NHSL1: variants seen among roughly 807,000 people sequenced by gnomAD.
NHSL1 encodes NHS like 1.
A neutral mutation model predicts 95.0 loss-of-function variants in NHSL1; 48 were observed. The ratio of observed to expected loss-of-function variants is 0.51; its 90% CI spans 0.40 to 0.64. NHSL1 has a LOEUF of 0.64. Ranked by LOEUF, NHSL1 falls within the 30% of genes least tolerant of loss-of-function variation. NHSL1 has a pLI of 0.00. For synonymous variants in NHSL1, 783 were observed against 833.9 expected, an observed-to-expected ratio of 0.94 and a Z score of 1.05; for missense variants, 1,971 against 2,077.7, an observed-to-expected ratio of 0.95 and a Z score of 1.00.
Position 138,564,650 on chromosome 6 carries a change from A to AT in NHSL1, c.202+7059dup, listed in dbSNP as rs889596847. 7.7e-4 allele frequency among the ~76,000 whole-genome samples: 101 copies of AT among 131,514 alleles called. No homozygotes were observed. In the South Asian group the frequency reaches 8.2e-3, roughly 11 times the overall value. The allele number at this position is 131,514 out of a possible 152,430, so 86.3% of individuals were successfully genotyped here. ...ATTTATTGAGCACTTAGCCTTGGGG[A>AT]TAAAAAAAAAAAAAATAAGATTGAG... On this transcript the variant is annotated intron_variant, in intron 1 of 6. Coordinates refer to the NHSL1 transcript ENST00000427025.
At chr6:138,550,543 A>T (rs1171849340), upstream of NHSL1, among the ~76,000 whole-genome samples, 1 of 152,214 alleles carries the variant, frequency 6.6e-6, no homozygotes, top group African/African-American at 2.4e-5. Flanking sequence ...TCTCCCTTGT[A>T]GGATTACAAC....
At chr6:138,613,250 G>C (rs1486137859) in intron 1 of NHSL1, among the ~76,000 whole-genome samples, 2 of 152,178 alleles carry the variant, frequency 1.3e-5, no homozygotes, top group Non-Finnish European at 2.9e-5. Context: ...CCCATCTTGA[G>C]AAAGTTTTCA....
intron 1 of NHSL1, chr6:138,691,807 G>A: frequency 2.3e-6 from 1 of 433,184 alleles, no homozygotes; most frequent in Non-Finnish European, 4.6e-6. Flanking sequence ...AGGGTTGGAG[G>A]AAGCCGGACA....
chr6:138,626,120 G>A (rs1356051157), intron 1 of NHSL1, among the ~76,000 whole-genome samples: 1 of 152,190 alleles, frequency 6.6e-6, no homozygotes, highest in South Asian at 2.1e-4. Flanking sequence ...TGGACAGCTT[G>A]GTTTTAATTG....
chr6:138,652,967 A>C (rs1271037247), intron 1 of NHSL1, among the ~76,000 whole-genome samples: 1 of 152,236 alleles, frequency 6.6e-6, no homozygotes, highest in Non-Finnish European at 1.5e-5. Flanking sequence ...TAGTTTAAGC[A>C]ACTACTTTTG....
rs569258674 is a variant in NHSL1, at chr6:138,616,297, T to G, written c.96+76179A>C. Among the ~76,000 whole-genome samples, 30 of 152,332 alleles carry G rather than the reference T, an allele frequency of 2.0e-4. 1 individual carries two copies. The South Asian group carries it at 6.0e-3, about 30-fold the overall frequency. On this transcript the variant is annotated intron_variant, in intron 1 of 3. Coordinates refer to the NHSL1 transcript ENST00000491526. ...AGGTTTAAATTTTCAAAGTGTGACT[T>G]CATAAATATTAGATACTTAGCCTAC...
chr6:138,466,354 A>G (rs182879663), intron 3 of NHSL1, among the ~76,000 whole-genome samples: 54 of 152,270 alleles, frequency 3.5e-4, no homozygotes, highest in African/African-American at 1.3e-3. Flanking sequence ...GGCCCCACAT[A>G]CACTCTTAAG....
chr6:138,563,036 G>A (rs1367245184), intron 1 of NHSL1, among the ~76,000 whole-genome samples: 8 of 152,098 alleles, frequency 5.3e-5, no homozygotes, highest in East Asian at 1.9e-4. Flanking sequence ...ATGCCAAAAC[G>A]CCCTAGGTGC....
chr6:138,618,602 T>A (rs1784612944), intron 1 of NHSL1, among the ~76,000 whole-genome samples: 1 of 152,332 alleles, frequency 6.6e-6, no homozygotes. Flanking sequence ...AGTTTTTTTT[T>A]AAATGAACAC....
At chr6:138,580,887 C>T (rs1219685373) in intron 1 of NHSL1, among the ~76,000 whole-genome samples, 1 of 152,144 alleles carries the variant, frequency 6.6e-6, no homozygotes, top group East Asian at 1.9e-4. Flanking sequence ...TAGCCCTGGG[C>T]GGGCTATAAA....
chr6:138,612,027 T>G (rs1328044294), intron 1 of NHSL1, among the ~76,000 whole-genome samples: 1 of 144,758 alleles, frequency 6.9e-6, no homozygotes, highest in Non-Finnish European at 1.5e-5. Context: ...GGAAAATTGC[T>G]TGAACCCAAG....
chr6:138,593,201 G>A (rs376857741), intron 1 of NHSL1, among the ~76,000 whole-genome samples: 11 of 152,258 alleles, frequency 7.2e-5, no homozygotes, highest in Admixed American at 1.3e-4. Flanking sequence ...GGAGGTAGAC[G>A]GGTTCTGTGA....
At chr6:138,437,325 CACACATATATATATAT>C (rs1432555950) in intron 5 of NHSL1, among the ~76,000 whole-genome samples, 1 of 64,416 alleles carries the variant, frequency 1.6e-5, no homozygotes, top group Non-Finnish European at 2.7e-5. Context: ...TATATACACA[CACACATATATATATAT>C]ACACATATAT....
chr6:138,644,640 T>C (rs896919427), intron 1 of NHSL1, among the ~76,000 whole-genome samples: 6 of 152,216 alleles, frequency 3.9e-5, no homozygotes, highest in African/African-American at 9.7e-5. Context: ...GTGTTATTAA[T>C]ACTGTTATTA....
At chr6:138,555,649 C>T (rs995872479) in intron 1 of NHSL1, among the ~76,000 whole-genome samples, 3 of 152,188 alleles carry the variant, frequency 2.0e-5, no homozygotes, top group African/African-American at 4.8e-5. Context: ...TCAGGACTGG[C>T]GTTCTTCCTC....
intron 1 of NHSL1, among the ~76,000 whole-genome samples, chr6:138,581,963 T>C (rs1001783771): frequency 3.3e-5 from 5 of 150,212 alleles, no homozygotes; most frequent in African/African-American, 1.2e-4. Flanking sequence ...AGTGGCGCGA[T>C]CTCGGCCACT....
chr6:138,607,960 T>G (rs889732576), intron 1 of NHSL1, among the ~76,000 whole-genome samples: 6 of 152,204 alleles, frequency 3.9e-5, no homozygotes, highest in African/African-American at 1.2e-4. Context: ...GGCATTCCCA[T>G]GCACCCCAAC....
At chr6:138,465,466 C>G (rs560884351) in intron 3 of NHSL1, among the ~76,000 whole-genome samples, 3 of 152,148 alleles carry the variant, frequency 2.0e-5, no homozygotes, top group Non-Finnish European at 4.4e-5. Context: ...TTGCAACAGC[C>G]CCACAACTAT....
intron 1 of NHSL1, among the ~76,000 whole-genome samples, chr6:138,508,181 A>G (rs1256626780): frequency 6.6e-6 from 1 of 152,252 alleles, no homozygotes; most frequent in African/African-American, 2.4e-5. Context: ...TATGAAAAAA[A>G]GAAACCCAAA....
Sources: allele counts gnomAD v4.1 joint callset (sites outside exome capture counted in the v4.1 genomes callset), GRCh38; gene constraint gnomAD v4.1.1; transcripts MANE v1.5; gene names NCBI Gene and HGNC (gene_info 2026-07-23, HGNC 2026-07-21).